Variants in PUM3 observed in about 807,000 individuals in gnomAD.
PUM3 encodes pumilio homolog 3.
Under a neutral mutation model 84.0 loss-of-function variants are expected in PUM3, and 91 were observed. The observed-to-expected ratio is 1.08, with a 90% CI of 0.91 to 1.29. The LOEUF is 1.29. Ranked by LOEUF, PUM3 falls within the 50% of genes most tolerant of loss-of-function variation. The pLI is 0.00. For synonymous variants in PUM3, 321 were observed against 266.7 expected (o/e 1.20, Z -1.98); for missense variants, 1,067 against 767.5 (o/e 1.39, Z -4.61).
chr9:2,834,443 T>A (rs915990989), intron 3 of PUM3, among the ~76,000 whole-genome samples: 1 of 152,220 alleles, frequency 6.6e-6, no homozygotes, highest in African/African-American at 2.4e-5. Context: ...CTAGAATATT[T>A]TAAATATCTT....
intron 13 of PUM3, among the ~76,000 whole-genome samples, chr9:2,816,024 A>G (rs10968326): frequency 0.11 from 16,473 of 152,212 alleles, 1,672 homozygotes; most frequent in African/African-American, 0.27. Flanking sequence ...GAAGGGTAAA[A>G]GTCAAAATAA....
chr9:2,840,714 G>A (rs1024044269), intron 1 of PUM3, among the ~76,000 whole-genome samples: 16 of 152,180 alleles, frequency 1.1e-4, no homozygotes, highest in African/African-American at 3.9e-4. Context: ...TTGCTTCTGT[G>A]TCCTTTTGAC....
intron 5 of PUM3, among the ~76,000 whole-genome samples, chr9:2,832,987 T>A (rs918108334): frequency 6.6e-6 from 1 of 152,246 alleles, no homozygotes; most frequent in Non-Finnish European, 1.5e-5. Context: ...TGAAGTAATA[T>A]GTTCACATCA....
rs574073881 is a variant in PUM3 at position 2,807,741 on chromosome 9, G to T, written c.1814+73C>A. 3.2e-5 allele frequency: 30 copies of T among 950,098 alleles called. No homozygotes were observed. The East Asian group carries it at 7.4e-4, about 23-fold the overall frequency. 58.9% of individuals were successfully genotyped at this position (950,098 alleles called of 1,614,324 possible). ...TACTGAGAACAAATATTAGAACTGA[G>T]AAATCAACGTGAAGGAAGTGTGTCT... On this transcript the variant is annotated intron_variant, in intron 17 of 17. Coordinates refer to ENST00000397885, the MANE Select transcript of PUM3 (RefSeq NM_014878.5).
Position 2,811,454 on chromosome 9 carries a change from A to C in PUM3, c.1542T>G (p.Ile514Met). The C allele has an allele frequency of 1.2e-6, 2 of 1,614,160 alleles. No homozygotes were observed. Among genetic ancestry groups the C allele is most frequent in the Non-Finnish European group, 1.7e-6 (2 of 1,180,030 alleles). The change falls in exon 15 of 18, where the codon ATT becomes ATG. Residue 514 changes from isoleucine (I) to methionine (M), a missense_variant. Transcript: ENST00000397885. ...GAACGTCTCCAGTGGCAGATCCCAG[A>C]ATGTCAGACACCAACACACACGCAG... ...DKSACVLVSDILGSATGDVQP... is the reference protein window; with the variant it reads ...DKSACVLVSDMLGSATGDVQP...
chr9:2,805,557 A>G (rs1244109025), intron 17 of PUM3, among the ~76,000 whole-genome samples: 4 of 152,252 alleles, frequency 2.6e-5, no homozygotes, highest in Non-Finnish European at 5.9e-5. Context: ...TATGGGAGAT[A>G]AGAAACAATT....
At chr9:2,835,064 T>C (rs1045193677) in intron 3 of PUM3, among the ~76,000 whole-genome samples, 2 of 150,268 alleles carry the variant, frequency 1.3e-5, no homozygotes, top group African/African-American at 4.9e-5. Flanking sequence ...AACCTAGCTA[T>C]AGCCACTGAT....
chr9:2,810,203 T>TCATTTCTTATTCACAGACAC (rs1168817281), intron 16 of PUM3, 141 bp downstream of exon 16: 16 of 629,466 alleles, frequency 2.5e-5, no homozygotes, highest in Non-Finnish European at 4.5e-5. Flanking sequence ...AACCACTGAA[T>TCATTTCTTATTCACAGACAC]CATTTCTTAT....
At chr9:2,825,699 C>T (rs1004185428) in intron 10 of PUM3, among the ~76,000 whole-genome samples, 4 of 152,042 alleles carry the variant, frequency 2.6e-5, no homozygotes, top group African/African-American at 9.7e-5. Context: ...CCAGGCTGGT[C>T]TCGAACTACT....
intron 1 of PUM3, among the ~76,000 whole-genome samples, chr9:2,840,899 CTTG>C (rs767307473): frequency 7.9e-5 from 12 of 152,230 alleles, no homozygotes; most frequent in South Asian, 4.1e-4. Context: ...GCTAGGCGCA[CTTG>C]TTGTCACTGA....
intron 1 of PUM3, among the ~76,000 whole-genome samples, chr9:2,839,778 A>G (rs1334942747): frequency 6.6e-6 from 1 of 152,224 alleles, no homozygotes; most frequent in Non-Finnish European, 1.5e-5. Context: ...CAGCTCTTCT[A>G]CACCTGTAGT....
rs777778720 is a variant in PUM3 at position 2,828,718 on chromosome 9, T to A, written c.913A>T (p.Ile305Phe). The change falls in exon 9 of 18, where the codon ATT becomes TTT. Residue 305 changes from isoleucine (I) to phenylalanine (F), a missense_variant. Transcript: ENST00000397885. ...LEVQPEKLEL[I>F]MDEMKQILTP... ...AGAATCTGTTTCATTTCATCCATAA[T>A]AAGTTCTAATTTTTCTGGCTGTACC... is the stretch of plus-strand genomic sequence containing the variant. The A allele has an allele frequency of 6.2e-7, 1 of 1,609,026 alleles. No homozygotes were observed. Among genetic ancestry groups the A allele is most frequent in the African/African-American group, 1.3e-5 (1 of 74,806 alleles).
intron 5 of PUM3, 33 bp from the exon 6 acceptor site, chr9:2,831,377 CTTTT>C: frequency 1.5e-6 from 2 of 1,296,438 alleles, no homozygotes; most frequent in Non-Finnish European, 2.2e-6. Flanking sequence ...GACTAATTCT[CTTTT>C]GAGACTTATG....
intron 1 of PUM3, among the ~76,000 whole-genome samples, chr9:2,843,047 T>A (rs929330818): frequency 3.8e-4 from 58 of 152,198 alleles, no homozygotes; most frequent in Non-Finnish European, 1.9e-4. Context: ...CTCTTGAGCT[T>A]CCAAATGTAA....
At chr9:2,818,461 T>G (rs1317133310) in intron 13 of PUM3, among the ~76,000 whole-genome samples, 1 of 152,198 alleles carries the variant, frequency 6.6e-6, no homozygotes, top group Non-Finnish European at 1.5e-5. Flanking sequence ...GGAAATTTGG[T>G]TTCTCTTGAA....
chr9:2,813,825 G>C (rs1479236231), intron 13 of PUM3, among the ~76,000 whole-genome samples: 1 of 152,050 alleles, frequency 6.6e-6, no homozygotes, highest in African/African-American at 2.4e-5. Context: ...TTGCACAAAA[G>C]TATAGCATGC....
intron 8 of PUM3, 138 bp from the exon 9 acceptor site, chr9:2,828,916 C>A: frequency 3.1e-6 from 2 of 653,800 alleles, no homozygotes; most frequent in South Asian, 1.7e-5. Flanking sequence ...GAAAGCTCTG[C>A]TGTATATCCT....
rs1378645264 is a variant in PUM3, at chr9:2,812,309, G to C, written c.1323C>G (p.Val441=). The change falls in exon 14 of 18, where the codon GTC becomes GTG. Residue 441 remains valine (V), a synonymous_variant. Coordinates refer to ENST00000397885, the MANE Select transcript of PUM3 (RefSeq NM_014878.5). ...CTCTGGGGCTTAGTAAGTACAATAGGACCTTCCTTCCATATTTGTCATTTA... is the reference window on the plus strand; with the variant it reads ...CTCTGGGGCTTAGTAAGTACAATAGCACCTTCCTTCCATATTTGTCATTTA... The part of the protein sequence containing the change: ...SIVNDKYGRK[V]LLYLLSPRDP... 3.7e-6 allele frequency: 6 copies of C among 1,600,988 alleles called. No individual in the cohort carries two copies. Among genetic ancestry groups the C allele is most frequent in the Non-Finnish European group, 5.1e-6 (6 of 1,168,478 alleles).
chr9:2,822,749 AAT>A (rs1815688463), intron 12 of PUM3, among the ~76,000 whole-genome samples: 1 of 148,204 alleles, frequency 6.7e-6, no homozygotes, highest in South Asian at 2.1e-4. Flanking sequence ...AATGTTATAT[AAT>A]ATATAACATT....
Sources: allele counts gnomAD v4.1 joint callset (sites outside exome capture counted in the v4.1 genomes callset), GRCh38; gene constraint gnomAD v4.1.1; transcripts MANE v1.5; gene names NCBI Gene and HGNC (gene_info 2026-07-23, HGNC 2026-07-21).